The following BEGAIN variants were observed in gnomAD, a reference collection of about 807,000 sequenced individuals.
The protein encoded by BEGAIN is brain enriched guanylate kinase associated, also known as brain-enriched guanylate kinase-associated protein.
In BEGAIN, 19 loss-of-function variants were observed where a neutral mutation model predicts 35.8. The ratio of observed to expected loss-of-function variants is 0.53; its 90% CI spans 0.37 to 0.78. BEGAIN has a LOEUF of 0.78. Among genes scored for constraint, BEGAIN ranks in the 30% least tolerant of loss-of-function variants. The pLI is 0.00. For synonymous variants in BEGAIN, 462 were observed against 388.6 expected, an observed-to-expected ratio of 1.19 and a Z score of -2.22; for missense variants, 795 against 853.6, an observed-to-expected ratio of 0.93 and a Z score of 0.85.
At chr14:100,578,203 G>A (rs941595631) in intron 1 of BEGAIN, among the ~76,000 whole-genome samples, 2 of 152,238 alleles carry the variant, frequency 1.3e-5, no homozygotes, top group South Asian at 2.1e-4. Context: ...GGGGAAGGTC[G>A]TGTCCTGGGC....
At chr14:100,552,499 G>A (rs1232985009) in intron 2 of BEGAIN, among the ~76,000 whole-genome samples, 1 of 152,254 alleles carries the variant, frequency 6.6e-6, no homozygotes, top group Non-Finnish European at 1.5e-5. Flanking sequence ...CAAGAACCAG[G>A]GCTGTTGGGC....
At chr14:100,582,853 A>G (rs143541546) in intron 1 of BEGAIN, among the ~76,000 whole-genome samples, 7 of 151,940 alleles carry the variant, frequency 4.6e-5, no homozygotes, top group Admixed American at 3.3e-4. Flanking sequence ...GGTGGGGTTA[A>G]GTCTCCCTGT....
At chr14:100,542,315 G>T (rs77969135) in intron 5 of BEGAIN, among the ~76,000 whole-genome samples, 3,083 of 152,352 alleles carry the variant, frequency 0.02, 99 homozygotes, top group African/African-American at 0.071. Flanking sequence ...CTTCTCAAGT[G>T]GTTGTTGGGC....
chr14:100,545,313 C>T, intron 3 of BEGAIN: 2 of 1,343,598 alleles, frequency 1.5e-6, no homozygotes, highest in Non-Finnish European at 1.9e-6. Flanking sequence ...CCCCGGGACC[C>T]CCTGAAGATG....
chr14:100,571,687 T>C (rs772921343), intron 1 of BEGAIN, among the ~76,000 whole-genome samples: 4 of 152,090 alleles, frequency 2.6e-5, no homozygotes, highest in South Asian at 2.1e-4. Context: ...CAGGCCTCCA[T>C]GAGGGGTTGG....
chr14:100,581,183 A>C (rs921562295), intron 1 of BEGAIN, among the ~76,000 whole-genome samples: 3 of 152,162 alleles, frequency 2.0e-5, no homozygotes, highest in Non-Finnish European at 4.4e-5. Context: ...GGGAAGTGGC[A>C]TGAGCAAGGG....
chr14:100,577,816 A>C (rs1228911414), intron 1 of BEGAIN: 1 of 399,148 alleles, frequency 2.5e-6, no homozygotes, highest in Non-Finnish European at 4.4e-6. Flanking sequence ...GGGGCTTGGC[A>C]TGTGGCTTCG....
At chr14:100,555,420 G>A (rs2033619765) in intron 2 of BEGAIN, among the ~76,000 whole-genome samples, 1 of 152,242 alleles carries the variant, frequency 6.6e-6, no homozygotes, top group Admixed American at 6.5e-5. Context: ...CGCTGACTCT[G>A]TCCTTTGTGT....
At chr14:100,546,080 G>T (rs7401025) in intron 3 of BEGAIN, 161,679 of 161,730 alleles carry the variant, frequency 1, 80,814 homozygotes, top group Middle Eastern at 1. Context: ...CTCAAGGGAA[G>T]GGTCCCTAAA....
Position 100,538,672 on chromosome 14 carries a change from AGCGGGGCCGCCACCGCGGCCGTG to A in BEGAIN, c.1113_1135del (p.Thr372GlyfsTer86). 6.4e-7 allele frequency: 1 copy of A among 1,551,226 alleles called. No homozygotes were observed. The highest frequency in any genetic ancestry group is 8.7e-7 in the Non-Finnish European group (1 of 1,147,278). On this transcript the variant is annotated frameshift_variant, in exon 7 of 7. Coordinates refer to ENST00000554140, the MANE Select transcript of BEGAIN (RefSeq NM_001385089.1). LOFTEE classifies it low-confidence loss of function (END_TRUNC). ...GAAGCCTGGGGCCACTTCGGCCTCC[AGCGGGGCCGCCACCGCGGCCGTG>A]GCCTTGGCAAAGCGAGGGCTGCCCT... is the stretch of plus-strand genomic sequence containing the variant.
rs1290567503 is a variant in BEGAIN, at chr14:100,586,497, T to C, written c.42+752A>G. Among the ~76,000 whole-genome samples the C allele has an allele frequency of 2.0e-5, 3 of 151,826 alleles. No individual in the cohort carries two copies. The highest frequency in any genetic ancestry group is 2.9e-5 in the Non-Finnish European group (2 of 67,938). ...CTGTTCCTGCCCTGAGGAAACCACA[T>C]TGGGGATGGGGTGGGGCACAGACGA... is the stretch of plus-strand genomic sequence containing the variant. On this transcript the variant is annotated intron_variant, in intron 1 of 6. Transcript: ENST00000554140. This position sits in a 1 kb window ranked among gnomAD's most constrained non-coding sequence, Gnocchi z 4.9.
intron 1 of BEGAIN, among the ~76,000 whole-genome samples, chr14:100,582,248 G>A (rs958961986): frequency 6.6e-6 from 1 of 152,132 alleles, no homozygotes; most frequent in Admixed American, 6.5e-5. Flanking sequence ...CGGTTTAAGC[G>A]ATTCTCCTGC....
At chr14:100,579,191 A>G (rs2035266710) in intron 1 of BEGAIN, among the ~76,000 whole-genome samples, 1 of 152,222 alleles carries the variant, frequency 6.6e-6, no homozygotes, top group Admixed American at 6.5e-5. Flanking sequence ...CTTGAAAGAA[A>G]AATAACCTCT....
chr14:100,539,029 C>T lies in BEGAIN; in HGVS notation c.779G>A (p.Arg260Gln), dbSNP rs1309360763. The T allele has an allele frequency of 1.2e-6, 2 of 1,611,604 alleles. No individual in the cohort carries two copies. The highest frequency in any genetic ancestry group is 1.7e-5 in the Admixed American group (1 of 59,914). ...TALYCPEERRRDRRPSVDAPV... is the reference protein window; with the variant it reads ...TALYCPEERRQDRRPSVDAPV... The stretch of plus-strand genomic sequence containing the variant: ...CGCGTCCACGCTAGGCCGCCGGTCT[C>T]GCCGCCGCTCCTCCGGGCAGTAGAG... Residue 260 changes from arginine to glutamine, a missense_variant, in exon 7 of 7, where the codon CGA becomes CAA. By Grantham distance (43) the Arg-to-Gln change is conservative. This residue lies in a region of BEGAIN where 664 missense variants were observed against 647.7 expected (regional missense o/e 1.03). Coordinates refer to ENST00000554140, the MANE Select transcript of BEGAIN (RefSeq NM_001385089.1).
chr14:100,544,408 G>C (rs2032081724), intron 4 of BEGAIN, among the ~76,000 whole-genome samples: 2 of 152,290 alleles, frequency 1.3e-5, no homozygotes, highest in South Asian at 4.1e-4. Flanking sequence ...CCACAAAGGT[G>C]GGCAGGTTGT....
Position 100,558,926 on chromosome 14 carries a change from G to A in BEGAIN, c.71+8985C>T, listed in dbSNP as rs139325065. On this transcript the variant is annotated intron_variant, in intron 2 of 6. Coordinates refer to ENST00000554140, the MANE Select transcript of BEGAIN (RefSeq NM_001385089.1). The surrounding 1 kb of genome is among the most constrained non-coding windows in gnomAD (Gnocchi z 4.6). ...CAGGACACACAGCTGGGAGCATGCC[G>A]GTGGGGCCAGGGCGCGTCCTGGAGA... Among the ~76,000 whole-genome samples the A allele has an allele frequency of 3.4e-3, 518 of 152,336 alleles. 1 individual carries two copies. The highest frequency in any genetic ancestry group is 6.8e-3 in the Middle Eastern group (2 of 294).
chr14:100,537,960 C>G lies in BEGAIN; in HGVS notation c.*9G>C. On this transcript the variant is annotated 3_prime_UTR_variant, in exon 7 of 7. Transcript: ENST00000554140. The stretch of plus-strand genomic sequence containing the variant: ...GGAGCGAACCACGGCCAGGCCTGCA[C>G]GCAGGCGCTCAGTTGAGCAAGGTTC... 1.2e-6 allele frequency: 2 copies of G among 1,601,002 alleles called. No individual in the cohort carries two copies. The highest frequency in any genetic ancestry group is 8.5e-7 in the Non-Finnish European group (1 of 1,174,936).
chr14:100,568,884 G>A lies in BEGAIN; in HGVS notation c.43-945C>T, dbSNP rs2034953511. On this transcript the variant is annotated intron_variant, in intron 1 of 6. Coordinates refer to ENST00000554140, the MANE Select transcript of BEGAIN (RefSeq NM_001385089.1). The surrounding 1 kb of genome is among the most constrained non-coding windows in gnomAD (Gnocchi z 7.5). The stretch of plus-strand genomic sequence containing the variant: ...AGGGGGACAGGGGTCCGAGCTCAGG[G>A]ACCACGCGACAGACCTGGGAAGACT... The A allele has an allele frequency of 1.0e-6, 1 of 985,196 alleles. No homozygotes were observed. The highest frequency in any genetic ancestry group is 6.2e-5 in the Admixed American group (1 of 16,200). The allele number at this position is 985,196 out of a possible 1,614,324, so 61.0% of individuals were successfully genotyped here. A position where few individuals can be genotyped will look rare whatever the true frequency, so the allele number is the denominator to read the frequency against.
intron 2 of BEGAIN, chr14:100,548,676 G>C (rs2032849743): frequency 6.6e-6 from 1 of 152,260 alleles, no homozygotes; most frequent in African/African-American, 2.4e-5. Context: ...TCACAGCCAG[G>C]AGTAAGACAA....
Sources: gnomAD v4.1 joint callset for allele counts (sites outside exome capture counted in the v4.1 genomes callset) on GRCh38, gnomAD v4.1.1 for gene constraint, gnomAD v4.1.1 regional missense constraint, Gnocchi (gnomAD v3.1) non-coding constraint, MANE v1.5 for transcripts, NCBI Gene and HGNC (gene_info 2026-07-23, HGNC 2026-07-21) for gene names.